Variants in CSMD2 observed in about 807,000 individuals in gnomAD.
The protein encoded by CSMD2 is CUB and sushi domain-containing protein 2.
In CSMD2, 130 loss-of-function variants were observed where a neutral mutation model predicts 398.5. The observed-to-expected ratio is 0.33, with a 90% CI of 0.28 to 0.38. The LOEUF is 0.38. Among genes scored for constraint, CSMD2 ranks in the 10% least tolerant of loss-of-function variants. The pLI is 1.00. For synonymous variants in CSMD2, 1,828 were observed against 1,908.5 expected (o/e 0.96, Z 1.10); for missense variants, 3,829 against 4,764.9 (o/e 0.80, Z 5.78).
chr1:33,922,000 T>G (rs961077980), intron 4 of CSMD2, among the ~76,000 whole-genome samples: 41 of 151,878 alleles, frequency 2.7e-4, no homozygotes, highest in African/African-American at 9.7e-4. Flanking sequence ...TGTGGAGGAA[T>G]GAGAGGGTGA....
At chr1:33,725,271 G>A (rs1646491608) in intron 17 of CSMD2, 78 bp downstream of exon 17, 10 of 1,229,428 alleles carry the variant, frequency 8.1e-6, no homozygotes, top group South Asian at 6.4e-5. Flanking sequence ...AGGGGCCTGT[G>A]GTGGAGCACA....
At chr1:33,536,082 G>A (rs901108165) in intron 62 of CSMD2, among the ~76,000 whole-genome samples, 1 of 152,164 alleles carries the variant, frequency 6.6e-6, no homozygotes, top group African/African-American at 2.4e-5. Flanking sequence ...CATGTGCCGA[G>A]TGAGTACAGA....
At chr1:34,093,026 G>C (rs1244125652) in intron 1 of CSMD2, among the ~76,000 whole-genome samples, 1 of 152,192 alleles carries the variant, frequency 6.6e-6, no homozygotes, top group African/African-American at 2.4e-5. Context: ...GCTTTGAAGA[G>C]AGCAGTGGTT....
Position 33,617,539 on chromosome 1 carries a change from T to A in CSMD2, c.5906A>T (p.Asp1969Val). 1 of 1,613,966 alleles carries A rather than the reference T, an allele frequency of 6.2e-7. No individual in the cohort carries two copies. The highest frequency in any genetic ancestry group is 2.2e-5 in the East Asian group (1 of 44,858). ...VKTGERYLVN[D>V]VVSFQCEPGY... Reference sequence around the variant, plus strand: ...CGGCTCACACTGGAAAGACACCACATCATTCACCAAGTAGCGCTCGCCAGT... The same window carrying A: ...CGGCTCACACTGGAAAGACACCACAACATTCACCAAGTAGCGCTCGCCAGT... Residue 1969 changes from aspartate (D) to valine (V), a missense_variant, in exon 38 of 71, where the codon GAT becomes GTT. Asp to Val is a radical substitution (Grantham distance 152, BLOSUM62 -3). This residue lies in a region of CSMD2 where 2,001 missense variants were observed against 2,567.1 expected (regional missense o/e 0.78). Coordinates refer to ENST00000373381, the MANE Select transcript of CSMD2 (RefSeq NM_001281956.2).
At chr1:34,015,168 A>T (rs371161186) in intron 3 of CSMD2, among the ~76,000 whole-genome samples, 2 of 152,202 alleles carry the variant, frequency 1.3e-5, no homozygotes, top group East Asian at 3.9e-4. Flanking sequence ...AGGTGCATGT[A>T]CCCACATTCT....
chr1:34,150,075 C>CTTTT lies in CSMD2; in HGVS notation c.187+14835_187+14836insAAAA, dbSNP rs201785327. Among the ~76,000 whole-genome samples, 93 of 119,644 alleles carry CTTTT rather than the reference C, an allele frequency of 7.8e-4. 8 individuals are homozygous for CTTTT. The highest frequency in any genetic ancestry group is 1.4e-3 in the East Asian group (6 of 4,312). The allele number at this position is 119,644 out of a possible 152,430, so 78.5% of individuals were successfully genotyped here. A position where few individuals can be genotyped will look rare whatever the true frequency, so the allele number is the denominator to read the frequency against. On this transcript the variant is annotated intron_variant, in intron 1 of 70. Transcript: ENST00000373381. ...AGACCTGGAAATCTACATTTTTCTTCTTTCTTTTTTTTTTGTTTTTTTTTG... is the reference window on the plus strand; with the variant it reads ...AGACCTGGAAATCTACATTTTTCTTCTTTTTTTCTTTTTTTTTTGTTTTTTTTTG...
chr1:34,140,256 G>C (rs1639143930), intron 1 of CSMD2, among the ~76,000 whole-genome samples: 1 of 144,668 alleles, frequency 6.9e-6, no homozygotes, highest in Non-Finnish European at 1.5e-5. Flanking sequence ...GCAGTGAAAG[G>C]GGAAGATAAT....
intron 1 of CSMD2, among the ~76,000 whole-genome samples, chr1:34,119,401 A>G (rs1465248931): frequency 6.6e-6 from 1 of 152,244 alleles, no homozygotes; most frequent in East Asian, 1.9e-4. Context: ...ACAGGCAACA[A>G]AAGCAAAAAT....
intron 2 of CSMD2, among the ~76,000 whole-genome samples, chr1:34,040,109 T>C (rs1011515585): frequency 5.9e-5 from 9 of 152,160 alleles, no homozygotes; most frequent in Middle Eastern, 3.4e-3. Flanking sequence ...GAGGATCACT[T>C]GAGCCTAGGA....
intron 3 of CSMD2, among the ~76,000 whole-genome samples, chr1:34,021,101 G>A (rs1648812372): frequency 1.3e-5 from 2 of 152,154 alleles, no homozygotes; most frequent in South Asian, 4.1e-4. Context: ...GAAGGAAAAG[G>A]TAGAAAGAAT....
At chr1:33,752,797 C>CAGGTCTTAGATGGAAATG (rs1648442718) in intron 13 of CSMD2, among the ~76,000 whole-genome samples, 1 of 152,192 alleles carries the variant, frequency 6.6e-6, no homozygotes, top group South Asian at 2.1e-4. Context: ...GCCAGGCTAA[C>CAGGTCTTAGATGGAAATG]AGGTCTTAGA....
intron 3 of CSMD2, among the ~76,000 whole-genome samples, chr1:33,996,537 AG>A (rs1646731625): frequency 6.6e-6 from 1 of 152,200 alleles, no homozygotes; most frequent in South Asian, 2.1e-4. Context: ...CCAAGCCCTG[AG>A]GAAGGAGACC....
chr1:33,587,628 C>T (rs1639177089), intron 44 of CSMD2, among the ~76,000 whole-genome samples: 1 of 152,216 alleles, frequency 6.6e-6, no homozygotes, highest in Admixed American at 6.5e-5. Context: ...TGTTCCCAAA[C>T]CCTGTATTCT....
At chr1:34,060,446 A>G (rs1654345315) in intron 2 of CSMD2, among the ~76,000 whole-genome samples, 1 of 152,264 alleles carries the variant, frequency 6.6e-6, no homozygotes, top group Non-Finnish European at 1.5e-5. Context: ...GATGGGAAGG[A>G]GAAAGACCGG....
chr1:33,900,999 G>T (rs1191981590), intron 5 of CSMD2, among the ~76,000 whole-genome samples: 2 of 152,164 alleles, frequency 1.3e-5, no homozygotes, highest in Non-Finnish European at 2.9e-5. Context: ...GATCTGCAGA[G>T]GGAACAAAAT....
chr1:33,741,374 T>C (rs960072010), intron 14 of CSMD2, among the ~76,000 whole-genome samples: 26 of 152,146 alleles, frequency 1.7e-4, no homozygotes, highest in African/African-American at 6.0e-4. Context: ...CACTTGGCCA[T>C]GGAGGATTGT....
At position 33,546,136 on chromosome 1, in the gene CSMD2, T is replaced by A; in HGVS notation, c.9001A>T (p.Met3001Leu). The A allele has an allele frequency of 6.2e-7, 1 of 1,614,170 alleles. No homozygotes were observed. Among genetic ancestry groups the A allele is most frequent in the East Asian group, 2.2e-5 (1 of 44,876 alleles). ...LGDSFDPGTV[M>L]RFSCEAGHVL... is the part of the protein sequence containing the mutation. ...TGGCCAGCTTCACAGCTGAAGCGCATCACAGTGCCTGGATCAAAGCTGTCC... is the reference window on the plus strand; with the variant it reads ...TGGCCAGCTTCACAGCTGAAGCGCAACACAGTGCCTGGATCAAAGCTGTCC... Residue 3001 changes from methionine to leucine, a missense_variant, in exon 57 of 71, where the codon ATG becomes TTG. Physicochemically the swap from Met to Leu is conservative, Grantham distance 15 (BLOSUM62 2). This residue lies in a region of CSMD2 where 917 missense variants were observed against 1,199.5 expected (regional missense o/e 0.76). Coordinates refer to ENST00000373381, the MANE Select transcript of CSMD2 (RefSeq NM_001281956.2).
intron 19 of CSMD2, among the ~76,000 whole-genome samples, chr1:33,719,589 G>T (rs1646287608): frequency 6.6e-6 from 1 of 152,152 alleles, no homozygotes; most frequent in Non-Finnish European, 1.5e-5. Flanking sequence ...ACTGAACCAA[G>T]CAAAATCGTA....
Position 33,550,504 on chromosome 1 carries a change from G to A in CSMD2, c.8744-154C>T, listed in dbSNP as rs372526902. 9.3e-4 allele frequency among the ~76,000 whole-genome samples: 141 copies of A among 152,250 alleles called. 1 individual carries two copies. The highest frequency in any genetic ancestry group is 1.8e-3 in the Non-Finnish European group (123 of 68,054). On this transcript the variant is annotated intron_variant, in intron 55 of 70. Transcript: ENST00000373381. Reference sequence around the variant, plus strand: ...CTTCCTGCTGGCATGCCCACCTGGCGTTGGCAGACAATGTCCACTCAGGGG... The same window carrying A: ...CTTCCTGCTGGCATGCCCACCTGGCATTGGCAGACAATGTCCACTCAGGGG...
Sources: allele counts gnomAD v4.1 joint callset (sites outside exome capture counted in the v4.1 genomes callset), GRCh38; gene constraint gnomAD v4.1.1; regional missense constraint gnomAD v4.1.1; transcripts MANE v1.5; gene names NCBI Gene and HGNC (gene_info 2026-07-23, HGNC 2026-07-21).